Variants in UCHL5 observed in about 807,000 individuals in gnomAD.
UCHL5 encodes ubiquitin carboxyl-terminal hydrolase isozyme L5.
A neutral mutation model predicts 53.8 loss-of-function variants in UCHL5; 34 were observed. The ratio of observed to expected loss-of-function variants is 0.63; its 90% confidence interval spans 0.48 to 0.84. The LOEUF is 0.84. UCHL5 is among the 40% of genes least tolerant of loss of function. UCHL5 has a pLI of 0.00. For missense variants in UCHL5, 290 were observed against 385.6 expected (o/e 0.75, Z 2.08); for synonymous variants, 111 against 126.3 (o/e 0.88, Z 0.81).
chr1:193,059,342 C>G lies in UCHL5; in HGVS notation c.-82G>C. 1 of 1,605,364 alleles carries G rather than the reference C, an allele frequency of 6.2e-7. No individual in the cohort carries two copies. The highest frequency in any genetic ancestry group is 8.5e-7 in the Non-Finnish European group (1 of 1,176,266). On this transcript the variant is annotated 5_prime_UTR_variant, in exon 1 of 11. Transcript: ENST00000367454. This position sits in a 1 kb window ranked among gnomAD's most constrained non-coding sequence, Gnocchi z 4.9. Reference sequence around the variant, plus strand: ...AGCTGCCGCCGGCCACAGATCTCAGCAAACCCGCCGCCGAGCTCGTCAACC... The same window carrying G: ...AGCTGCCGCCGGCCACAGATCTCAGGAAACCCGCCGCCGAGCTCGTCAACC...
At chr1:193,031,167 A>G (rs895641870) in intron 3 of UCHL5, among the ~76,000 whole-genome samples, 4 of 152,182 alleles carry the variant, frequency 2.6e-5, no homozygotes, top group African/African-American at 9.7e-5. Context: ...TGACTAAAAC[A>G]CTGTAACACT....
intron 6 of UCHL5, among the ~76,000 whole-genome samples, chr1:193,028,773 T>G (rs1403614356): frequency 6.6e-6 from 1 of 152,164 alleles, no homozygotes; most frequent in African/African-American, 2.4e-5. Context: ...TTTTCTTGAT[T>G]GCAAAACAAT....
At chr1:193,048,659 A>G (rs1668079494) in intron 3 of UCHL5, among the ~76,000 whole-genome samples, 1 of 152,166 alleles carries the variant, frequency 6.6e-6, no homozygotes, top group South Asian at 2.1e-4. Flanking sequence ...TTTTTTATTG[A>G]TTTCAACCAA....
At chr1:193,050,631 G>A (rs115586406) in intron 2 of UCHL5, among the ~76,000 whole-genome samples, 2,936 of 151,930 alleles carry the variant, frequency 0.019, 92 homozygotes, top group African/African-American at 0.066. Context: ...CTGTAATCCC[G>A]GCTACCTGGG....
intron 10 of UCHL5, chr1:193,020,110 A>C (rs1656398012): frequency 2.0e-5 from 20 of 984,912 alleles, no homozygotes; most frequent in Non-Finnish European, 2.4e-5. Flanking sequence ...GGAAAAGAGA[A>C]GATTTAGCAG....
At position 193,058,120 on chromosome 1, in the gene UCHL5, G is replaced by C. The variant is rs542603415; in HGVS notation, c.76+1065C>G. On this transcript the variant is annotated intron_variant, in intron 1 of 10. Transcript: ENST00000367454. Reference sequence around the variant, plus strand: ...CGCGTGCCTGTAATCCCAGCTACTCGGGAGGCTGAAGTAGGAGATTCGCTT... The same window carrying C: ...CGCGTGCCTGTAATCCCAGCTACTCCGGAGGCTGAAGTAGGAGATTCGCTT... Among the ~76,000 whole-genome samples the C allele has an allele frequency of 3.3e-5, 5 of 152,014 alleles. No individual in the cohort carries two copies. In the South Asian group the frequency reaches 8.3e-4, roughly 25 times the overall value.
chr1:193,024,156 T>A (rs957839333), intron 7 of UCHL5, among the ~76,000 whole-genome samples: 17 of 151,830 alleles, frequency 1.1e-4, no homozygotes, highest in African/African-American at 4.1e-4. Context: ...GCGGAGAGGA[T>A]CCTTTGAGTT....
At chr1:193,019,962 T>C (rs555370994) in intron 10 of UCHL5, 2 of 983,802 alleles carry the variant, frequency 2.0e-6, no homozygotes, top group South Asian at 4.7e-5. Flanking sequence ...TTTGATATGA[T>C]TAATAACATC....
intron 10 of UCHL5, chr1:193,018,814 A>G (rs1282256924): frequency 6.4e-7 from 1 of 1,563,128 alleles, no homozygotes; most frequent in East Asian, 2.3e-5. Flanking sequence ...CTTTTATCCT[A>G]TTTTCCCTGA....
chr1:193,015,016 T>C lies in UCHL5; in HGVS notation c.*1335A>G, dbSNP rs1654692515. The C allele has an allele frequency of 6.6e-6, 1 of 152,058 alleles. No homozygotes were observed. The highest frequency in any genetic ancestry group is 2.4e-5 in the African/African-American group (1 of 41,422). 9.4% of individuals were successfully genotyped at this position (152,058 alleles called of 1,614,324 possible). ...AAAACACTCCATAATTATTACTGTA[T>C]CAACAGCAAAACATATTTACCCACA... On this transcript the variant is annotated 3_prime_UTR_variant, in exon 11 of 11. Coordinates refer to ENST00000367454, the MANE Select transcript of UCHL5 (RefSeq NM_001199261.3).
In UCHL5 at chr1:193,049,802, G is replaced by A. The variant is rs1420609149; in HGVS notation, c.190C>T (p.Pro64Ser). 1.9e-6 allele frequency: 3 copies of A among 1,612,554 alleles called. No individual in the cohort carries two copies. The highest frequency in any genetic ancestry group is 1.3e-5 in the African/African-American group (1 of 74,860). ...FLFKWQPGEE[P>S]AGSVVQDSRL... The stretch of plus-strand genomic sequence containing the variant: ...GAGTCCTGAACCACAGAGCCTGCTG[G>A]TTCTTCTCCTGGCTGCCACTTGAAA... The change falls in exon 3 of 11, where the codon CCA becomes TCA. Residue 64 changes from proline to serine, a missense_variant. Pro to Ser is a moderately conservative substitution (Grantham distance 74). Coordinates refer to ENST00000367454, the MANE Select transcript of UCHL5 (RefSeq NM_001199261.3).
At chr1:193,016,589 G>A (rs1654973818) in intron 10 of UCHL5, among the ~76,000 whole-genome samples, 194 bp from the exon 11 acceptor site, 1 of 151,598 alleles carries the variant, frequency 6.6e-6, no homozygotes, top group Non-Finnish European at 1.5e-5. Flanking sequence ...GTTATTCTTT[G>A]CCCTAAGAAA....
At chr1:193,054,181 G>C (rs1053366668) in intron 1 of UCHL5, among the ~76,000 whole-genome samples, 2 of 152,146 alleles carry the variant, frequency 1.3e-5, no homozygotes, top group Non-Finnish European at 2.9e-5. Flanking sequence ...GTATTATACC[G>C]ATGGGTCTAG....
At chr1:193,043,170 A>AAAAAAAAAAAAAAAC (rs1666250331) in intron 3 of UCHL5, among the ~76,000 whole-genome samples, 2 of 148,956 alleles carry the variant, frequency 1.3e-5, no homozygotes, top group Non-Finnish European at 1.5e-5. Flanking sequence ...AAAAAAAAAA[A>AAAAAAAAAAAAAAAC]AAAAAACCAC....
rs565807883 is a variant in UCHL5 at position 193,038,111 on chromosome 1, A to G, written c.247-8454T>C. On this transcript the variant is annotated intron_variant, in intron 3 of 10. Coordinates refer to ENST00000367454, the MANE Select transcript of UCHL5 (RefSeq NM_001199261.3). ...TGGAAGGTACATACCTCAACACAAT[A>G]ACAGCCACATAAAACAGACTCACAG... 7.9e-5 allele frequency among the ~76,000 whole-genome samples: 12 copies of G among 152,298 alleles called. No homozygotes were observed. The East Asian group carries it at 2.3e-3, about 29-fold the overall frequency.
At chr1:193,042,651 A>G (rs1665980533) in intron 3 of UCHL5, among the ~76,000 whole-genome samples, 1 of 152,176 alleles carries the variant, frequency 6.6e-6, no homozygotes, top group South Asian at 2.1e-4. Flanking sequence ...CCTAACTTAC[A>G]TCTACTCTTG....
At chr1:193,036,501 G>A (rs1663550077) in intron 3 of UCHL5, among the ~76,000 whole-genome samples, 1 of 151,868 alleles carries the variant, frequency 6.6e-6, no homozygotes, top group African/African-American at 2.4e-5. Context: ...GTTCCCAAGT[G>A]TATAAATATA....
chr1:193,051,174 C>T (rs1244225398), intron 2 of UCHL5, among the ~76,000 whole-genome samples: 1 of 152,110 alleles, frequency 6.6e-6, no homozygotes, highest in East Asian at 1.9e-4. Context: ...ATTCCTCTAG[C>T]CCTCCATTTG....
intron 3 of UCHL5, among the ~76,000 whole-genome samples, chr1:193,035,105 T>C (rs1214065561): frequency 2.6e-5 from 4 of 151,860 alleles, no homozygotes; most frequent in African/African-American, 9.7e-5. Context: ...TATTTATACC[T>C]GATATGGTCA....
Sources: allele counts gnomAD v4.1 joint callset (sites outside exome capture counted in the v4.1 genomes callset), GRCh38; gene constraint gnomAD v4.1.1; non-coding constraint Gnocchi (gnomAD v3.1); transcripts MANE v1.5; gene names NCBI Gene and HGNC (gene_info 2026-07-23, HGNC 2026-07-21).